Variants in NUMA1 observed in about 807,000 individuals in gnomAD.
NUMA1 encodes the protein SP-H antigen.
Under a neutral mutation model 237.1 loss-of-function variants are expected in NUMA1, and 62 were observed. The ratio of observed to expected loss-of-function variants is 0.26; its 90% CI spans 0.21 to 0.32. The LOEUF is 0.32. Among genes scored for constraint, NUMA1 ranks in the 10% least tolerant of loss-of-function variants. The pLI, the probability that NUMA1 is intolerant of heterozygous loss-of-function variation, is 1.00. For missense variants in NUMA1, 2,533 were observed against 2,666.5 expected (o/e 0.95, Z 1.10); for synonymous variants, 1,028 against 1,066.1 (o/e 0.96, Z 0.70).
chr11:72,025,428 T>C (rs556521322), intron 4 of NUMA1, among the ~76,000 whole-genome samples: 3 of 151,444 alleles, frequency 2.0e-5, no homozygotes, highest in South Asian at 2.1e-4. Flanking sequence ...AAAAAAAGAA[T>C]ACTAGTCCCT....
At chr11:72,047,492 A>T (rs1270301748) in intron 2 of NUMA1, among the ~76,000 whole-genome samples, 1 of 152,104 alleles carries the variant, frequency 6.6e-6, no homozygotes, top group African/African-American at 2.4e-5. Flanking sequence ...GTCTCAAAAA[A>T]AAACAAAAAC....
At chr11:72,067,050 A>G (rs1943232374) in intron 2 of NUMA1, 1 of 152,206 alleles carries the variant, frequency 6.6e-6, no homozygotes, top group South Asian at 2.1e-4. Flanking sequence ...ACACAATCCT[A>G]ATTAAAACTA....
rs754107339 is a variant in NUMA1, at chr11:72,035,954, CCAGA to C, written c.-15_-12del. ...GGCGTGGAGTGTCATCTTGGTGATG[CCAGA>C]CAGTCACTCCAATGCGCCTGGAACC... On this transcript the variant is annotated 5_prime_UTR_variant, in exon 3 of 27. Transcript: ENST00000393695. 9.9e-6 allele frequency: 16 copies of C among 1,613,498 alleles called. No homozygotes were observed. Among genetic ancestry groups the C allele is most frequent in the East Asian group, 2.2e-5 (1 of 44,890 alleles).
Position 72,014,978 on chromosome 11 carries a change from C to T in NUMA1, c.2525G>A (p.Cys842Tyr). Residue 842 changes from cysteine (C) to tyrosine (Y), a missense_variant, in exon 15 of 27, where the codon TGT (cysteine) becomes TAT (tyrosine). This residue lies in a region of NUMA1 where 1,414 missense variants were observed against 1,508.1 expected (regional missense o/e 0.94). Transcript: ENST00000393695. The surrounding 1 kb of genome is among the most constrained non-coding windows in gnomAD (Gnocchi z 4.6). ...CTGCAGCTCCTGGCGGGCCTTCTCA[C>T]ATTCCTCCTTCAAAGTCATCAGCTG... ...QEQLMTLKEECEKARQELQEA... is the reference protein window; with the variant it reads ...QEQLMTLKEEYEKARQELQEA... 1 of 1,614,028 alleles carries T rather than the reference C, an allele frequency of 6.2e-7. No homozygotes were observed. The highest frequency in any genetic ancestry group is 2.2e-5 in the East Asian group (1 of 44,846).
chr11:72,056,662 G>GAAAAAAAAAAAAAAA (rs1942671179), intron 2 of NUMA1, among the ~76,000 whole-genome samples: 2 of 51,026 alleles, frequency 3.9e-5, no homozygotes, highest in Non-Finnish European at 4.5e-5. Context: ...AAAAAAAAAG[G>GAAAAAAAAAAAAAAA]CAAGCCAAAC....
At chr11:72,072,247 A>C (rs866223148) in intron 1 of NUMA1, 22 of 154,438 alleles carry the variant, frequency 1.4e-4, no homozygotes, top group Middle Eastern at 1.2e-3. Flanking sequence ...AGGTGGATAC[A>C]ATGTGACCTC....
chr11:72,053,078 C>T (rs778741308), intron 2 of NUMA1, among the ~76,000 whole-genome samples: 48 of 152,280 alleles, frequency 3.2e-4, no homozygotes, highest in Middle Eastern at 6.8e-3. Context: ...CTCTCTGTGC[C>T]CTCATTTTCC....
chr11:72,014,727 C>T lies in NUMA1; in HGVS notation c.2776G>A (p.Ala926Thr). ...GAGGCTGTTTCCTGCTGCTCACCTG[C>T]CTTGCGCACCAAGGTCTCCAAGCGG... is the stretch of plus-strand genomic sequence containing the variant. ...VARLETLVRK[A>T]GEQQETASRE... The change falls in exon 15 of 27, where the codon GCA becomes ACA. Residue 926 changes from alanine (A) to threonine (T), a missense_variant. Coordinates refer to ENST00000393695, the MANE Select transcript of NUMA1 (RefSeq NM_006185.4). The surrounding 1 kb of genome is among the most constrained non-coding windows in gnomAD (Gnocchi z 4.6). The T allele has an allele frequency of 6.2e-7, 1 of 1,614,108 alleles. No individual in the cohort carries two copies. Among genetic ancestry groups the T allele is most frequent in the Non-Finnish European group, 8.5e-7 (1 of 1,180,044 alleles).
chr11:72,014,779 C>T lies in NUMA1; in HGVS notation c.2724G>A (p.Lys908=). 1.2e-6 allele frequency: 2 copies of T among 1,614,224 alleles called. No individual in the cohort carries two copies. Among genetic ancestry groups the T allele is most frequent in the Non-Finnish European group, 1.7e-6 (2 of 1,180,052 alleles). ...CCACCTCTTTGCTGGTGGCAGCCAT[C>T]TTTTCCTGCAGAGTGGAGAGGTCAT... ...LADDLSTLQE[K]MAATSKEVAR... Residue 908 remains lysine (K), a synonymous_variant, in exon 15 of 27, where the codon AAG becomes AAA. Coordinates refer to ENST00000393695, the MANE Select transcript of NUMA1 (RefSeq NM_006185.4). This position sits in a 1 kb window ranked among gnomAD's most constrained non-coding sequence, Gnocchi z 4.6.
At position 72,014,190 on chromosome 11, in the gene NUMA1, A is replaced by G. The variant is rs142432519; in HGVS notation, c.3313T>C (p.Ser1105Pro). Residue 1105 changes from serine (S) to proline (P), a missense_variant, in exon 15 of 27, where the codon TCA (serine) becomes CCA (proline). Coordinates refer to ENST00000393695, the MANE Select transcript of NUMA1 (RefSeq NM_006185.4). This position sits in a 1 kb window ranked among gnomAD's most constrained non-coding sequence, Gnocchi z 4.6. The part of the protein sequence containing the change: ...AKKEKEHASG[S>P]GAQSEAAGRT... ...CCAGCAGCCTCAGATTGGGCTCCTGAGCCAGATGCGTGCTCCTTTTCTTTC... is the reference window on the plus strand; with the variant it reads ...CCAGCAGCCTCAGATTGGGCTCCTGGGCCAGATGCGTGCTCCTTTTCTTTC... The G allele has an allele frequency of 8.1e-4, 1,314 of 1,613,876 alleles. 1 individual carries two copies. Among genetic ancestry groups the G allele is most frequent in the Non-Finnish European group, 1.0e-3 (1,218 of 1,180,008 alleles).
At chr11:72,035,814 A>G in intron 3 of NUMA1, 88 bp downstream of exon 3, 1 of 1,199,730 alleles carries the variant, frequency 8.3e-7, no homozygotes, top group Non-Finnish European at 1.2e-6. Flanking sequence ...AAGACTTTAC[A>G]TAGCCCTGGC....
At chr11:72,073,526 A>T (rs769769169) in intron 1 of NUMA1, among the ~76,000 whole-genome samples, 1 of 152,190 alleles carries the variant, frequency 6.6e-6, no homozygotes, top group African/African-American at 2.4e-5. Flanking sequence ...GTCTAGAAGT[A>T]TATCATTTCA....
rs773133830 is a variant in NUMA1 at position 72,018,497 on chromosome 11, C to T, written c.759G>A (p.Met253Ile). Reference protein sequence around the residue: ...LLTEKDAQIAMMQQRIDRLAL... With the variant: ...LLTEKDAQIAIMQQRIDRLAL... ...CTAGGCGGTCAATGCGCTGCTGCAT[C>T]ATGGCTATCTGTGCATCTGCCCAGA... Residue 253 changes from methionine (M) to isoleucine (I), a missense_variant, in exon 11 of 27, where the codon ATG becomes ATA. Physicochemically the swap from Met to Ile is conservative, Grantham distance 10. This residue lies in a region of NUMA1 where 1,414 missense variants were observed against 1,508.1 expected (regional missense o/e 0.94). Coordinates refer to ENST00000393695, the MANE Select transcript of NUMA1 (RefSeq NM_006185.4). The T allele has an allele frequency of 6.2e-7, 1 of 1,614,078 alleles. No homozygotes were observed. Among genetic ancestry groups the T allele is most frequent in the South Asian group, 1.1e-5 (1 of 91,074 alleles).
Position 72,008,805 on chromosome 11 carries a change from A to T in NUMA1, c.5099T>A (p.Phe1700Tyr), listed in dbSNP as rs1334169775. The stretch of plus-strand genomic sequence containing the variant: ...CTTTAAAGCATCAGTTGCCACCTGG[A>T]ATTTGCCCAGGTCTCGAAGCTGCTG... The part of the protein sequence containing the change: ...ADQQLRDLGK[F>Y]QVATDALKSR... The change falls in exon 20 of 27, where the codon TTC becomes TAC. Residue 1700 changes from phenylalanine (F) to tyrosine (Y), a missense_variant. By Grantham distance (22) the Phe-to-Tyr change is conservative. Around this residue, in one of 3 missense-constraint regions of NUMA1, gnomAD observed 795 missense variants for 750.8 expected, o/e 1.06. Coordinates refer to ENST00000393695, the MANE Select transcript of NUMA1 (RefSeq NM_006185.4). The T allele has an allele frequency of 3.7e-6, 6 of 1,614,048 alleles. No individual in the cohort carries two copies. Among genetic ancestry groups the T allele is most frequent in the African/African-American group, 1.3e-5 (1 of 74,976 alleles).
chr11:72,074,575 C>T (rs1346148267), intron 1 of NUMA1, among the ~76,000 whole-genome samples: 1 of 151,800 alleles, frequency 6.6e-6, no homozygotes, highest in Non-Finnish European at 1.5e-5. Flanking sequence ...CTCGTCTCTA[C>T]TAAAAATAAA....
intron 3 of NUMA1, 78 bp downstream of exon 3, chr11:72,035,824 C>G (rs924118495): frequency 2.3e-6 from 3 of 1,315,294 alleles, no homozygotes; most frequent in South Asian, 1.2e-5. Flanking sequence ...ATAGCCCTGG[C>G]TCCTACAAAA....
Position 72,012,949 on chromosome 11 carries a change from C to T in NUMA1, c.4554G>A (p.Lys1518=), listed in dbSNP as rs766007668. The part of the protein sequence containing the change: ...MTAKYEGAKV[K]VLEERQRFQE... ...GGAACCGCTGCCTCTCCTCCAGGACCTTGACCTTGGCACCCTCATACTTGG... is the reference window on the plus strand; with the variant it reads ...GGAACCGCTGCCTCTCCTCCAGGACTTTGACCTTGGCACCCTCATACTTGG... Residue 1518 remains lysine (K), a synonymous_variant, in exon 15 of 27, where the codon AAG becomes AAA. Transcript: ENST00000393695. 3 of 1,614,044 alleles carry T rather than the reference C, an allele frequency of 1.9e-6. No individual in the cohort carries two copies.
chr11:72,057,125 T>C (rs79301573), intron 2 of NUMA1, among the ~76,000 whole-genome samples: 3,465 of 151,892 alleles, frequency 0.023, 129 homozygotes, highest in African/African-American at 0.079. Flanking sequence ...AAATATATTC[T>C]AATCTCAAAA....
At position 72,014,332 on chromosome 11, in the gene NUMA1, C is replaced by T. The variant is rs748155458; in HGVS notation, c.3171G>A (p.Thr1057=). 1.6e-5 allele frequency: 26 copies of T among 1,613,708 alleles called. No individual in the cohort carries two copies. Among genetic ancestry groups the T allele is most frequent in the Middle Eastern group, 1.6e-4 (1 of 6,084 alleles). ...ACTCCTGGTCCTTGCCTTCCTTTTC[C>T]GTCAGGGCATGAGCCAGTGCCTCTT... ...TLQEALAHAL[T]EKEGKDQELA... is the part of the protein sequence containing the mutation. The change falls in exon 15 of 27, where the codon ACG becomes ACA. Residue 1057 remains threonine (T), a synonymous_variant. Transcript: ENST00000393695. This position sits in a 1 kb window ranked among gnomAD's most constrained non-coding sequence, Gnocchi z 4.6.
Sources: gnomAD v4.1 joint callset for allele counts (sites outside exome capture counted in the v4.1 genomes callset) on GRCh38, gnomAD v4.1.1 for gene constraint, gnomAD v4.1.1 regional missense constraint, Gnocchi (gnomAD v3.1) non-coding constraint, MANE v1.5 for transcripts, NCBI Gene and HGNC (gene_info 2026-07-23, HGNC 2026-07-21) for gene names.